Variants in ZNF536 observed in about 807,000 individuals in gnomAD.
ZNF536 encodes zinc finger protein 536.
Under a neutral mutation model 84.5 loss-of-function variants are expected in ZNF536, and 13 were observed. That is an observed-to-expected ratio of 0.15 (90% CI 0.10 to 0.24). ZNF536 has a LOEUF of 0.24. Ranked by LOEUF, ZNF536 falls within the 10% of genes least tolerant of loss-of-function variation. ZNF536 has a pLI of 1.00. For missense variants in ZNF536, 1,536 were observed against 1,747.5 expected (o/e 0.88, Z 2.16); for synonymous variants, 811 against 742.5 (o/e 1.09, Z -1.50).
At position 30,444,956 on chromosome 19, in the gene ZNF536, C is replaced by T. The variant is rs200494382; in HGVS notation, c.1394C>T (p.Ala465Val). 4 of 1,611,504 alleles carry T rather than the reference C, an allele frequency of 2.5e-6. No homozygotes were observed. The highest frequency in any genetic ancestry group is 2.5e-6 in the Non-Finnish European group (3 of 1,178,960). The change falls in exon 2 of 5, where the codon GCG becomes GTG. Residue 465 changes from alanine to valine, a missense_variant. Physicochemically the swap from Ala to Val is moderately conservative, Grantham distance 64. Coordinates refer to ENST00000355537, the MANE Select transcript of ZNF536 (RefSeq NM_014717.3). ...KGELPMKEKE[A>V]LGKLLSPISS... ...GAGCTGCCCATGAAGGAGAAGGAAG[C>T]GCTGGGGAAGCTGCTGTCTCCCATC...
chr19:30,242,746 A>C (rs2024024937), intron 1 of ZNF536, among the ~76,000 whole-genome samples: 1 of 152,156 alleles, frequency 6.6e-6, no homozygotes, highest in African/African-American at 2.4e-5. Context: ...ATCACATGGG[A>C]TGTTTTGATT....
rs143075165 is a variant in ZNF536 at position 30,500,473 on chromosome 19, C to G, written c.2171-34374C>G. On this transcript the variant is annotated intron_variant, in intron 2 of 4. Coordinates refer to ENST00000355537, the MANE Select transcript of ZNF536 (RefSeq NM_014717.3). ...CTCATTCCTGGGTCTAGAATCTCAG[C>G]AAGATGCAGTGGATGGACTTGAGTT... Among the ~76,000 whole-genome samples, 166 of 152,164 alleles carry G rather than the reference C, an allele frequency of 1.1e-3. 4 individuals are homozygous for G. The East Asian group carries it at 0.031, about 28-fold the overall frequency.
At chr19:30,693,886 T>C (rs1452820827) in intron 1 of ZNF536, among the ~76,000 whole-genome samples, 1 of 152,188 alleles carries the variant, frequency 6.6e-6, no homozygotes, top group Non-Finnish European at 1.5e-5. Flanking sequence ...TTCTCACACA[T>C]AAACTCACAT....
chr19:30,477,447 A>T (rs573634476), intron 2 of ZNF536, among the ~76,000 whole-genome samples: 1 of 152,314 alleles, frequency 6.6e-6, no homozygotes, highest in East Asian at 1.9e-4. Context: ...TATGACATGC[A>T]TGCATTTTAT....
chr19:30,355,602 C>G lies in ZNF536; in HGVS notation c.-3+3118C>G, dbSNP rs774550509. 4.6e-5 allele frequency among the ~76,000 whole-genome samples: 7 copies of G among 152,098 alleles called. No homozygotes were observed. In the East Asian group the frequency reaches 1.2e-3, roughly 25 times the overall value. ...ATGTGGTTTTGCCATTTTTCCCAGG[C>G]TGGTCTTGAACTCCTGGGCTTAAAC... On this transcript the variant is annotated intron_variant, in intron 3 of 5. Transcript: ENST00000585628.
At chr19:30,308,455 A>AT (rs2067651350) in intron 2 of ZNF536, among the ~76,000 whole-genome samples, 2 of 152,032 alleles carry the variant, frequency 1.3e-5, no homozygotes, top group Admixed American at 1.3e-4. Flanking sequence ...GAAGGAGAAG[A>AT]TTTTTTAAAG....
intron 1 of ZNF536, among the ~76,000 whole-genome samples, chr19:30,624,311 A>G (rs979676412): frequency 3.3e-5 from 5 of 152,120 alleles, no homozygotes; most frequent in Non-Finnish European, 5.9e-5. Context: ...TCCCACTGTG[A>G]GGACCTGTGC....
intron 1 of ZNF536, among the ~76,000 whole-genome samples, chr19:30,389,224 A>T (rs1686551746): frequency 6.6e-6 from 1 of 152,202 alleles, no homozygotes. Context: ...TGGTTTGCGC[A>T]GCTTTTCTAC....
chr19:30,264,326 T>G (rs913024469), intron 1 of ZNF536, among the ~76,000 whole-genome samples: 3 of 151,828 alleles, frequency 2.0e-5, no homozygotes, highest in African/African-American at 7.3e-5. Context: ...TGGGAGACAA[T>G]GCTGTGGGGG....
chr19:30,660,639 A>C (rs1299075017), intron 1 of ZNF536, among the ~76,000 whole-genome samples: 1 of 152,206 alleles, frequency 6.6e-6, no homozygotes, highest in African/African-American at 2.4e-5. Flanking sequence ...TCAATTATTC[A>C]ATTAACCTTC....
rs565542410 is a variant in ZNF536, at chr19:30,549,365, C to T, written c.3746C>T (p.Pro1249Leu). Residue 1249 changes from proline to leucine, a missense_variant, in exon 4 of 5, where the codon CCA (proline) becomes CTA (leucine). Pro to Leu is a moderately conservative substitution (Grantham distance 98). Around this residue, in one of 8 missense-constraint regions of ZNF536, gnomAD observed 624 missense variants for 603.1 expected, o/e 1.03. Coordinates refer to ENST00000355537, the MANE Select transcript of ZNF536 (RefSeq NM_014717.3). ...GCCCAGGACCCCTTGGCGGGCCTGC[C>T]AAAGCCGGAGCGGGGGCCCCAGAGC... ...LQAQDPLAGLPKPERGPQSLD... is the reference protein window; with the variant it reads ...LQAQDPLAGLLKPERGPQSLD... The T allele has an allele frequency of 6.2e-7, 1 of 1,600,498 alleles. No homozygotes were observed. Among genetic ancestry groups the T allele is most frequent in the African/African-American group, 1.3e-5 (1 of 74,832 alleles).
chr19:30,269,154 C>A (rs2025681132), intron 1 of ZNF536, among the ~76,000 whole-genome samples: 1 of 152,206 alleles, frequency 6.6e-6, no homozygotes, highest in African/African-American at 2.4e-5. Flanking sequence ...TTTTGTGTCT[C>A]TTTCTTTTGG....
At position 30,494,532 on chromosome 19, in the gene ZNF536, G is replaced by T. The variant is rs376601317; in HGVS notation, c.2171-40315G>T. 1.1e-4 allele frequency among the ~76,000 whole-genome samples: 17 copies of T among 152,232 alleles called. No individual in the cohort carries two copies. In the South Asian group the frequency reaches 3.5e-3, roughly 32 times the overall value. ...TCTGACCCAGCTCACGTGGACTTTG[G>T]GCTCAGTTTCTAGTACTGGGTCAGC... On this transcript the variant is annotated intron_variant, in intron 2 of 4. Coordinates refer to ENST00000355537, the MANE Select transcript of ZNF536 (RefSeq NM_014717.3).
intron 1 of ZNF536, among the ~76,000 whole-genome samples, chr19:30,401,781 A>G (rs1697839257): frequency 6.6e-6 from 1 of 152,254 alleles, no homozygotes; most frequent in Non-Finnish European, 1.5e-5. Flanking sequence ...CTTCTTCTTC[A>G]ACAACAGGTA....
intron 1 of ZNF536, among the ~76,000 whole-genome samples, chr19:30,633,721 G>T (rs536332360): frequency 6.6e-6 from 1 of 152,064 alleles, no homozygotes; most frequent in African/African-American, 2.4e-5. Flanking sequence ...ATTTTTATTT[G>T]ATTTTTAAAT....
At chr19:30,516,036 A>AAAG (rs1338146304) in intron 2 of ZNF536, among the ~76,000 whole-genome samples, 1 of 151,620 alleles carries the variant, frequency 6.6e-6, no homozygotes, top group Non-Finnish European at 1.5e-5. Context: ...CAAAAAAAAA[A>AAAG]AAAAAAGAAA....
chr19:30,589,832 G>A lies in ZNF536; in HGVS notation c.169+40318G>A, dbSNP rs558799630. 3.2e-4 allele frequency among the ~76,000 whole-genome samples: 49 copies of A among 152,288 alleles called. 1 individual carries two copies. In the South Asian group the frequency reaches 9.7e-3, roughly 30 times the overall value. Reference sequence around the variant, plus strand: ...GCACTTCCAGCCTGCCCTGTGTGCAGCCTGAGTGTATTTTCATCACTAGAA... The same window carrying A: ...GCACTTCCAGCCTGCCCTGTGTGCAACCTGAGTGTATTTTCATCACTAGAA... On this transcript the variant is annotated intron_variant, in intron 1 of 1. Transcript: ENST00000592773.
intron 1 of ZNF536, among the ~76,000 whole-genome samples, chr19:30,425,241 A>G (rs942248983): frequency 6.0e-5 from 8 of 133,400 alleles, no homozygotes; most frequent in African/African-American, 2.5e-4. Context: ...AACATGTTGG[A>G]AAAAAAAAAA....
intron 1 of ZNF536, among the ~76,000 whole-genome samples, chr19:30,693,560 G>T (rs2034498465): frequency 6.6e-6 from 1 of 151,294 alleles, no homozygotes; most frequent in African/African-American, 2.4e-5. Flanking sequence ...AGAGAAGAAA[G>T]GAGGCTCATT....
Sources: gnomAD v4.1 joint callset for allele counts (sites outside exome capture counted in the v4.1 genomes callset) on GRCh38, gnomAD v4.1.1 for gene constraint, gnomAD v4.1.1 regional missense constraint, MANE v1.5 for transcripts, NCBI Gene and HGNC (gene_info 2026-07-23, HGNC 2026-07-21) for gene names.